ADAM19: variants seen among roughly 807,000 people sequenced by gnomAD.
ADAM19 encodes disintegrin and metalloproteinase domain-containing protein 19.
Under a neutral mutation model 114.7 loss-of-function variants are expected in ADAM19, and 65 were observed. The observed-to-expected ratio is 0.57, with a 90% confidence interval of 0.46 to 0.70. The LOEUF is 0.70. ADAM19 is among the 30% of genes least tolerant of loss of function. ADAM19 has a pLI of 0.00. For missense variants in ADAM19, 1,063 were observed against 1,204.7 expected, an observed-to-expected ratio of 0.88 and a Z score of 1.74; for synonymous variants, 466 against 460.5, an observed-to-expected ratio of 1.01 and a Z score of -0.15.
At position 157,478,965 on chromosome 5, in the gene ADAM19, T is replaced by C; in HGVS notation, c.*1984A>G. 4 of 985,556 alleles carry C rather than the reference T, an allele frequency of 4.1e-6. No individual in the cohort carries two copies. The highest frequency in any genetic ancestry group is 4.8e-6 in the Non-Finnish European group (4 of 829,938). 61.1% of individuals were successfully genotyped at this position (985,556 alleles called of 1,614,324 possible). On this transcript the variant is annotated 3_prime_UTR_variant, in exon 23 of 23. Transcript: ENST00000257527. ...GCTCTGTGAGGCATGGGGTTGGGTT[T>C]TGAGGATGTTGCTTGTTTGTTTTGC...
At chr5:157,574,833 C>CT (rs1177977671) in intron 1 of ADAM19, among the ~76,000 whole-genome samples, 1 of 152,232 alleles carries the variant, frequency 6.6e-6, no homozygotes, top group Non-Finnish European at 1.5e-5. Context: ...AGTCAGACCC[C>CT]TTCGCTTCAC....
rs766806071 is a variant in ADAM19 at position 157,505,714 on chromosome 5, G to A, written c.1085C>T (p.Ser362Leu). The A allele has an allele frequency of 2.1e-5, 34 of 1,613,872 alleles. No individual in the cohort carries two copies. In the South Asian group the frequency reaches 2.2e-4, roughly 10 times the overall value. The part of the protein sequence containing the change: ...GMTHDSADCC[S>L]ASAADGGCIM... ...GCACCCACCATCAGCCGCACTGGCCGAGCAGCAATCTGCAGAATCATGGGT... is the reference window on the plus strand; with the variant it reads ...GCACCCACCATCAGCCGCACTGGCCAAGCAGCAATCTGCAGAATCATGGGT... The change falls in exon 11 of 23, where the codon TCG (serine) becomes TTG (leucine). Residue 362 changes from serine to leucine, a missense_variant. Physicochemically the swap from Ser to Leu is moderately radical, Grantham distance 145 (BLOSUM62 -2). Around this residue, in one of 3 missense-constraint regions of ADAM19, gnomAD observed 615 missense variants for 706.3 expected, o/e 0.87. Coordinates refer to ENST00000257527, the MANE Select transcript of ADAM19 (RefSeq NM_033274.5).
chr5:157,490,541 G>T, intron 18 of ADAM19, 87 bp from the exon 19 acceptor site: 1 of 1,466,506 alleles, frequency 6.8e-7, no homozygotes, highest in South Asian at 1.2e-5. Context: ...TTCTTCTTCA[G>T]GCATTTGATT....
At chr5:157,507,199 T>C (rs1447197962) in intron 9 of ADAM19, 59 bp from the exon 10 acceptor site, 93 of 1,543,324 alleles carry the variant, frequency 6.0e-5, no homozygotes, top group Non-Finnish European at 7.9e-5. Flanking sequence ...TGTTCCAATG[T>C]GCCTGGGAGT....
At position 157,496,888 on chromosome 5, in the gene ADAM19, C is replaced by A. The variant is rs1443620580; in HGVS notation, c.1594+6G>T. 8.3e-6 allele frequency: 13 copies of A among 1,564,982 alleles called. No individual in the cohort carries two copies. The highest frequency in any genetic ancestry group is 1.0e-5 in the Non-Finnish European group (12 of 1,157,948). Reference sequence around the variant, plus strand: ...GGGAGAGCCGTGCTCCCCAGGAGAGCCTTACCGGGTCCCCACAGCTGCTGG... The same window carrying A: ...GGGAGAGCCGTGCTCCCCAGGAGAGACTTACCGGGTCCCCACAGCTGCTGG... On this transcript the variant is annotated splice_donor_region_variant and intron_variant, in intron 14 of 22. Coordinates refer to ENST00000257527, the MANE Select transcript of ADAM19 (RefSeq NM_033274.5).
chr5:157,480,312 A>G lies in ADAM19; in HGVS notation c.*637T>C. The G allele has an allele frequency of 1.0e-6, 1 of 986,354 alleles. No individual in the cohort carries two copies. The highest frequency in any genetic ancestry group is 1.2e-6 in the Non-Finnish European group (1 of 830,526). 61.1% of individuals were successfully genotyped at this position (986,354 alleles called of 1,614,324 possible). ...ACTGCCTACGAATAGTACCTGTCTG[A>G]GTCAGAGTGACCCGTGTGAATACAG... On this transcript the variant is annotated 3_prime_UTR_variant, in exon 23 of 23. Coordinates refer to ENST00000257527, the MANE Select transcript of ADAM19 (RefSeq NM_033274.5).
At chr5:157,575,022 G>A (rs773302449) in intron 1 of ADAM19, among the ~76,000 whole-genome samples, 8 of 152,192 alleles carry the variant, frequency 5.3e-5, no homozygotes, top group Non-Finnish European at 8.8e-5. Context: ...GCCTTCAGTA[G>A]GGCTCCTGCC....
intron 5 of ADAM19, among the ~76,000 whole-genome samples, chr5:157,521,026 T>C (rs1024258877): frequency 2.6e-5 from 4 of 152,188 alleles, no homozygotes; most frequent in Admixed American, 6.5e-5. Context: ...TTGTGAAGCG[T>C]TGAGTGTAAA....
intron 3 of ADAM19, among the ~76,000 whole-genome samples, chr5:157,552,641 T>C (rs1293017624): frequency 1.4e-5 from 2 of 143,156 alleles, no homozygotes; most frequent in Non-Finnish European, 3.0e-5. Flanking sequence ...ATTGTGCCAT[T>C]GCATTCCAGC....
At position 157,479,740 on chromosome 5, in the gene ADAM19, G is replaced by A; in HGVS notation, c.*1209C>T. ...TGTTCCAGTGCAGCTGCTGCTGGCT[G>A]CCTTCTCCAGTGATCTCGGGCAGCT... is the stretch of plus-strand genomic sequence containing the variant. On this transcript the variant is annotated 3_prime_UTR_variant, in exon 23 of 23. Transcript: ENST00000257527. The A allele has an allele frequency of 2.0e-6, 2 of 985,800 alleles. No individual in the cohort carries two copies. The highest frequency in any genetic ancestry group is 2.4e-6 in the Non-Finnish European group (2 of 830,110). The allele number at this position is 985,800 out of a possible 1,614,324, so 61.1% of individuals were successfully genotyped here.
chr5:157,517,910 C>T (rs1225762363), intron 7 of ADAM19, among the ~76,000 whole-genome samples: 2 of 152,156 alleles, frequency 1.3e-5, no homozygotes, highest in Non-Finnish European at 2.9e-5. Context: ...CTTGTTAAAA[C>T]ATGGATTTCT....
intron 1 of ADAM19, among the ~76,000 whole-genome samples, chr5:157,573,811 T>C (rs1757895760): frequency 6.6e-6 from 1 of 152,052 alleles, no homozygotes; most frequent in Non-Finnish European, 1.5e-5. Context: ...CCAAGAATTA[T>C]GGTTTGCTTC....
At chr5:157,556,209 CTTTTTTTTTTTTTTTT>C (rs68078503) in intron 3 of ADAM19, among the ~76,000 whole-genome samples, 1 of 66,330 alleles carries the variant, frequency 1.5e-5, no homozygotes, top group Non-Finnish European at 2.7e-5. Context: ...TTTTCTTTTT[CTTTTTTTTTTTTTTTT>C]TTTTTTTTTT....
chr5:157,561,604 G>C (rs1278194500), intron 3 of ADAM19, among the ~76,000 whole-genome samples: 1 of 151,950 alleles, frequency 6.6e-6, no homozygotes, highest in African/African-American at 2.4e-5. Context: ...CCTCTCCTTG[G>C]AATTGTCATC....
At chr5:157,572,475 T>G (rs1332088895) in intron 1 of ADAM19, among the ~76,000 whole-genome samples, 1 of 152,132 alleles carries the variant, frequency 6.6e-6, no homozygotes, top group Non-Finnish European at 1.5e-5. Flanking sequence ...ACTAACTACA[T>G]CAATCATACA....
At chr5:157,481,154 C>A (rs756684318) in intron 22 of ADAM19, 152 bp from the exon 23 acceptor site, 43 of 984,700 alleles carry the variant, frequency 4.4e-5, no homozygotes, top group Non-Finnish European at 5.9e-5. Flanking sequence ...TGTCCACTCA[C>A]CCAGACCATC....
intron 3 of ADAM19, among the ~76,000 whole-genome samples, chr5:157,549,044 C>T (rs1757121568): frequency 6.6e-6 from 1 of 152,200 alleles, no homozygotes; most frequent in Non-Finnish European, 1.5e-5. Flanking sequence ...CCTTCCAATC[C>T]ATGGGCTCCA....
intron 12 of ADAM19, 21 bp from the exon 13 acceptor site, chr5:157,499,683 G>A: frequency 1.3e-6 from 2 of 1,557,948 alleles, no homozygotes; most frequent in South Asian, 1.2e-5. Flanking sequence ...AGTGGGGTGG[G>A]TGTGAGTGGG....
chr5:157,559,650 T>G (rs1052756869), intron 3 of ADAM19, among the ~76,000 whole-genome samples: 3 of 152,210 alleles, frequency 2.0e-5, no homozygotes, highest in African/African-American at 7.2e-5. Flanking sequence ...TTGTCAAATA[T>G]GGGTTCCTGG....
Sources: gnomAD v4.1 joint callset for allele counts (sites outside exome capture counted in the v4.1 genomes callset) on GRCh38, gnomAD v4.1.1 for gene constraint, gnomAD v4.1.1 regional missense constraint, MANE v1.5 for transcripts, NCBI Gene and HGNC (gene_info 2026-07-23, HGNC 2026-07-21) for gene names.